The following EPM2A variants were observed in gnomAD, a reference collection of about 807,000 sequenced individuals.
The protein encoded by EPM2A is EPM2A glucan phosphatase, laforin.
Under a neutral mutation model 26.5 loss-of-function variants are expected in EPM2A, and 21 were observed. The observed-to-expected ratio is 0.79, with a 90% CI of 0.56 to 1.14. The LOEUF is 1.14. Ranked by LOEUF, EPM2A falls within the 50% of genes most tolerant of loss-of-function variation. The pLI, the probability that EPM2A is intolerant of heterozygous loss-of-function variation, is 0.00. For missense variants in EPM2A, 458 were observed against 440.8 expected (o/e 1.04, Z -0.35); for synonymous variants, 217 against 177.6 (o/e 1.22, Z -1.76).
At chr6:145,643,788 C>T (rs1403143045) in intron 2 of EPM2A, among the ~76,000 whole-genome samples, 1 of 151,584 alleles carries the variant, frequency 6.6e-6, no homozygotes, top group Non-Finnish European at 1.5e-5. Context: ...CAAGGAATTC[C>T]TGGGATAAAA....
intron 1 of EPM2A, among the ~76,000 whole-genome samples, chr6:145,700,522 A>G (rs368474780): frequency 6.6e-6 from 1 of 152,264 alleles, no homozygotes; most frequent in East Asian, 1.9e-4. Context: ...ACATTTTGCT[A>G]CTTCATTTCG....
chr6:145,603,719 C>T (rs1391531915), intron 2 of EPM2A, among the ~76,000 whole-genome samples: 1 of 152,164 alleles, frequency 6.6e-6, no homozygotes, highest in Admixed American at 6.5e-5. Context: ...AGATTATAAG[C>T]TCTTAGAAGG....
chr6:145,558,935 T>C (rs1016788409), intron 2 of EPM2A, among the ~76,000 whole-genome samples: 3 of 152,116 alleles, frequency 2.0e-5, no homozygotes, highest in African/African-American at 4.8e-5. Context: ...GGTGGGCTGG[T>C]GCATCAAGTT....
At chr6:145,430,327 C>T (rs1473086964) in intron 4 of EPM2A, among the ~76,000 whole-genome samples, 6 of 152,186 alleles carry the variant, frequency 3.9e-5, no homozygotes, top group Admixed American at 3.3e-4. Flanking sequence ...TGGCCCAGAG[C>T]GGTGGCTCAC....
At chr6:145,543,190 A>G (rs2114796594) in intron 2 of EPM2A, among the ~76,000 whole-genome samples, 1 of 152,350 alleles carries the variant, frequency 6.6e-6, no homozygotes, top group Non-Finnish European at 1.5e-5. Flanking sequence ...AGATATAAAC[A>G]GAATAGAAGC....
intron 2 of EPM2A, among the ~76,000 whole-genome samples, chr6:145,549,566 C>A (rs1780627038): frequency 6.6e-6 from 1 of 151,948 alleles, no homozygotes; most frequent in Non-Finnish European, 1.5e-5. Flanking sequence ...TAGTCCCTTG[C>A]CAAAAATAAA....
At chr6:145,429,538 A>G (rs1241186185) in intron 4 of EPM2A, among the ~76,000 whole-genome samples, 4 of 152,018 alleles carry the variant, frequency 2.6e-5, no homozygotes, top group African/African-American at 9.7e-5. Flanking sequence ...AAAATTGTCA[A>G]TCATGTCAAA....
intron 2 of EPM2A, among the ~76,000 whole-genome samples, chr6:145,554,886 T>C (rs1260146175): frequency 6.6e-6 from 1 of 152,068 alleles, no homozygotes; most frequent in East Asian, 1.9e-4. Context: ...ATTGTGCAGT[T>C]TGGGTTCCAA....
In EPM2A at chr6:145,532,207, C is replaced by A. The variant is rs143202818; in HGVS notation, c.341-29632G>T. Among the ~76,000 whole-genome samples the A allele has an allele frequency of 1.2e-4, 18 of 152,264 alleles. No individual in the cohort carries two copies. The East Asian group carries it at 3.5e-3, about 29-fold the overall frequency. On this transcript the variant is annotated intron_variant, in intron 2 of 3. Coordinates refer to the EPM2A transcript ENST00000450221. ...TCTGTACATGTTAGTCAACAGAACC[C>A]ACTGCAGAAAAAACAGAAAAGGGGG...
chr6:145,656,466 T>C (rs573527425), intron 2 of EPM2A, among the ~76,000 whole-genome samples: 40 of 152,342 alleles, frequency 2.6e-4, no homozygotes, highest in African/African-American at 9.1e-4. Context: ...ACATATAGTC[T>C]TTCTATGGGA....
chr6:145,425,598 A>G (rs1371362153), intron 4 of EPM2A, among the ~76,000 whole-genome samples: 2 of 150,580 alleles, frequency 1.3e-5, no homozygotes, highest in Non-Finnish European at 2.9e-5. Context: ...AAATCAATCC[A>G]TTCCTTTAAA....
At chr6:145,711,458 T>C (rs1045167236) in intron 1 of EPM2A, among the ~76,000 whole-genome samples, 1 of 152,166 alleles carries the variant, frequency 6.6e-6, no homozygotes, top group Non-Finnish European at 1.5e-5. Flanking sequence ...GAATTTAAAC[T>C]ACTTATAGGA....
At chr6:145,470,806 TAAA>T (rs1301620989) in intron 4 of EPM2A, among the ~76,000 whole-genome samples, 7 of 152,192 alleles carry the variant, frequency 4.6e-5, no homozygotes, top group African/African-American at 1.7e-4. Flanking sequence ...TGAATTTCAT[TAAA>T]TGCTTTAGCT....
At chr6:145,543,862 G>A (rs1223474959) in intron 2 of EPM2A, among the ~76,000 whole-genome samples, 1 of 152,174 alleles carries the variant, frequency 6.6e-6, no homozygotes, top group Non-Finnish European at 1.5e-5. Context: ...AGTACAGTTT[G>A]GGACTTGTTA....
chr6:145,633,922 T>C lies in EPM2A; in HGVS notation c.718+1323A>G, dbSNP rs550824257. ...CAGAATGGGCCTCTTTTTAGTTCTA[T>C]GACATGGGCAATAACTTTTTCATGC... On this transcript the variant is annotated intron_variant, in intron 3 of 3. Transcript: ENST00000367519. 9.2e-5 allele frequency: 14 copies of C among 152,242 alleles called. No individual in the cohort carries two copies. The East Asian group carries it at 9.6e-4, about 10-fold the overall frequency. The allele number at this position is 152,242 out of a possible 1,614,324, so 9.4% of individuals were successfully genotyped here. A position where few individuals can be genotyped will look rare whatever the true frequency, so the allele number is the denominator to read the frequency against.
At chr6:145,642,687 T>G (rs1274636049) in intron 2 of EPM2A, among the ~76,000 whole-genome samples, 2 of 152,142 alleles carry the variant, frequency 1.3e-5, no homozygotes, top group Non-Finnish European at 2.9e-5. Flanking sequence ...TCTGAAAAGG[T>G]GACATTAAAA....
At chr6:145,562,013 T>C (rs911364286) in intron 2 of EPM2A, among the ~76,000 whole-genome samples, 1 of 151,746 alleles carries the variant, frequency 6.6e-6, no homozygotes, top group Non-Finnish European at 1.5e-5. Context: ...TGTATACCTA[T>C]GTAACAAACC....
chr6:145,403,619 G>A (rs561519612), intron 4 of EPM2A, among the ~76,000 whole-genome samples: 1 of 152,008 alleles, frequency 6.6e-6, no homozygotes, highest in Admixed American at 6.6e-5. Context: ...TGACTGAATG[G>A]TACTTCACTG....
chr6:145,554,441 TA>T (rs1780697158), intron 2 of EPM2A, among the ~76,000 whole-genome samples: 1 of 151,562 alleles, frequency 6.6e-6, no homozygotes, highest in South Asian at 2.1e-4. Context: ...GATAGATAGA[TA>T]GATAGATAGA....
Sources: allele counts gnomAD v4.1 joint callset (sites outside exome capture counted in the v4.1 genomes callset), GRCh38; gene constraint gnomAD v4.1.1; transcripts MANE v1.5; gene names NCBI Gene and HGNC (gene_info 2026-07-23, HGNC 2026-07-21).